Variants in SLC35F4 observed in about 807,000 individuals in gnomAD.
SLC35F4 encodes chromosome 14 open reading frame 36.
SLC35F4 carries 24 observed loss-of-function variants against 44.2 expected under a neutral mutation model. The observed-to-expected ratio is 0.54, with a 90% CI of 0.39 to 0.76. The LOEUF is 0.76. SLC35F4 is among the 30% of genes least tolerant of loss of function. The pLI is 0.00. For missense variants in SLC35F4, 562 were observed against 586.1 expected (o/e 0.96, Z 0.42); for synonymous variants, 238 against 223.6 (o/e 1.06, Z -0.57).
intron 1 of SLC35F4, among the ~76,000 whole-genome samples, chr14:57,658,733 T>C (rs2074045066): frequency 6.6e-6 from 1 of 152,142 alleles, no homozygotes. Context: ...TAGGCAATGC[T>C]CTACAGATAT....
At chr14:57,900,708 C>T (rs1314362552) in intron 1 of SLC35F4, among the ~76,000 whole-genome samples, 1 of 152,038 alleles carries the variant, frequency 6.6e-6, no homozygotes, top group Non-Finnish European at 1.5e-5. Flanking sequence ...TTCTGCACAG[C>T]TAAAGAAACT....
At chr14:57,904,154 G>A (rs1889065186) in intron 1 of SLC35F4, among the ~76,000 whole-genome samples, 1 of 152,136 alleles carries the variant, frequency 6.6e-6, no homozygotes, top group Non-Finnish European at 1.5e-5. Context: ...AACAATTTAA[G>A]CCTGGTCTGC....
At chr14:57,681,081 A>G (rs1438756538) in intron 1 of SLC35F4, among the ~76,000 whole-genome samples, 1 of 152,174 alleles carries the variant, frequency 6.6e-6, no homozygotes, top group East Asian at 1.9e-4. Flanking sequence ...CTAAGCAAAA[A>G]GAACAAACCT....
At chr14:57,600,372 C>A (rs934843814) in intron 1 of SLC35F4, among the ~76,000 whole-genome samples, 45 of 152,156 alleles carry the variant, frequency 3.0e-4, no homozygotes, top group African/African-American at 1.0e-3. Flanking sequence ...ATTAATCTGT[C>A]ATTTTTTCTT....
At chr14:57,715,037 A>G (rs1318658049) in intron 1 of SLC35F4, among the ~76,000 whole-genome samples, 2 of 152,144 alleles carry the variant, frequency 1.3e-5, no homozygotes, top group African/African-American at 4.8e-5. Flanking sequence ...AAAAGTAGTA[A>G]AAGTGTGGAA....
At chr14:57,970,361 T>C (rs1881016881) in intron 1 of SLC35F4, among the ~76,000 whole-genome samples, 1 of 152,152 alleles carries the variant, frequency 6.6e-6, no homozygotes, top group South Asian at 2.1e-4. Flanking sequence ...ACCATTCAGG[T>C]CTAACGGAAA....
chr14:57,726,289 G>T (rs1366133537), intron 1 of SLC35F4, among the ~76,000 whole-genome samples: 1 of 152,096 alleles, frequency 6.6e-6, no homozygotes, highest in African/African-American at 2.4e-5. Flanking sequence ...ATGAAGGTTT[G>T]GGTCACTCTA....
intron 1 of SLC35F4, among the ~76,000 whole-genome samples, chr14:57,707,394 C>A (rs192066196): frequency 5.9e-5 from 9 of 152,246 alleles, no homozygotes; most frequent in African/African-American, 2.2e-4. Context: ...AGTGAGTTCT[C>A]ATGAGATCTG....
At chr14:57,718,252 A>T (rs1038058209) in intron 1 of SLC35F4, among the ~76,000 whole-genome samples, 5 of 152,192 alleles carry the variant, frequency 3.3e-5, no homozygotes, top group Non-Finnish European at 5.9e-5. Context: ...CTGTTGATGG[A>T]CATGTAGGTT....
In SLC35F4 at chr14:57,726,071, A is replaced by G. The variant is rs146821214; in HGVS notation, c.104-131947T>C. Among the ~76,000 whole-genome samples the G allele has an allele frequency of 3.0e-3, 458 of 152,274 alleles. 4 individuals are homozygous for G. Among genetic ancestry groups the G allele is most frequent in the African/African-American group, 0.011 (439 of 41,568 alleles). On this transcript the variant is annotated intron_variant, in intron 1 of 7. Coordinates refer to ENST00000556826, the MANE Select transcript of SLC35F4 (RefSeq NM_001306087.2). ...CTTTAAGTCAACAGGTTAAGAAGGG[A>G]GTTACAGTGTTGGCTGGGGTGATTG...
At chr14:57,595,430 T>A (rs888821098) in intron 1 of SLC35F4, among the ~76,000 whole-genome samples, 3 of 152,148 alleles carry the variant, frequency 2.0e-5, no homozygotes, top group African/African-American at 7.2e-5. Flanking sequence ...GTCTTTTTTT[T>A]CCCTTTCCAT....
chr14:57,929,819 G>A (rs1383941222), intron 1 of SLC35F4, among the ~76,000 whole-genome samples: 1 of 152,158 alleles, frequency 6.6e-6, no homozygotes, highest in East Asian at 1.9e-4. Context: ...TCAGCATAGG[G>A]CTGAATAAGA....
chr14:57,906,940 T>A (rs1444406937), intron 1 of SLC35F4, among the ~76,000 whole-genome samples: 1 of 152,212 alleles, frequency 6.6e-6, no homozygotes, highest in African/African-American at 2.4e-5. Flanking sequence ...AAAGCCACAG[T>A]GTCTCTTTGA....
intron 1 of SLC35F4, among the ~76,000 whole-genome samples, chr14:57,594,478 A>C (rs914774547): frequency 2.0e-5 from 3 of 152,178 alleles, no homozygotes; most frequent in Non-Finnish European, 2.9e-5. Flanking sequence ...AGCTTATTCA[A>C]ATTCTATAAA....
intron 1 of SLC35F4, among the ~76,000 whole-genome samples, chr14:57,733,484 A>G (rs1303157536): frequency 2.6e-5 from 4 of 152,014 alleles, no homozygotes; most frequent in Non-Finnish European, 4.4e-5. Flanking sequence ...TATAGCCAGA[A>G]AAAGCTTTTT....
At chr14:57,582,622 T>C (rs2069368162) in intron 3 of SLC35F4, among the ~76,000 whole-genome samples, 1 of 152,204 alleles carries the variant, frequency 6.6e-6, no homozygotes, top group African/African-American at 2.4e-5. Flanking sequence ...CTGGGAGAAT[T>C]TTAATTTTTT....
At chr14:57,916,973 T>TA (rs1435086466) in intron 1 of SLC35F4, among the ~76,000 whole-genome samples, 2 of 152,216 alleles carry the variant, frequency 1.3e-5, no homozygotes, top group Non-Finnish European at 2.9e-5. Flanking sequence ...TCTCCATTAT[T>TA]ACTTTTTTAT....
chr14:57,702,799 C>A (rs1373925215), intron 1 of SLC35F4, among the ~76,000 whole-genome samples: 3 of 152,240 alleles, frequency 2.0e-5, no homozygotes, highest in Non-Finnish European at 4.4e-5. Context: ...TCAGTCTAAT[C>A]CCCATTTTAT....
At chr14:57,832,777 T>C (rs1297833829) in intron 1 of SLC35F4, among the ~76,000 whole-genome samples, 1 of 152,098 alleles carries the variant, frequency 6.6e-6, no homozygotes, top group African/African-American at 2.4e-5. Context: ...TCTGATGCAG[T>C]AAACATAGCA....
Sources: allele counts gnomAD v4.1 joint callset (sites outside exome capture counted in the v4.1 genomes callset), GRCh38; gene constraint gnomAD v4.1.1; transcripts MANE v1.5; gene names NCBI Gene and HGNC (gene_info 2026-07-23, HGNC 2026-07-21).